Variants in SULF2 observed in about 807,000 individuals in gnomAD.
SULF2 encodes extracellular sulfatase Sulf-2.
In SULF2, 52 loss-of-function variants were observed where a neutral mutation model predicts 107.7. The ratio of observed to expected loss-of-function variants is 0.48; its 90% CI spans 0.39 to 0.61. The LOEUF is 0.61. SULF2 is among the 20% of genes least tolerant of loss of function. SULF2 has a pLI of 0.00. For synonymous variants in SULF2, 460 were observed against 464.3 expected, an observed-to-expected ratio of 0.99 and a Z score of 0.12; for missense variants, 993 against 1,177.3, an observed-to-expected ratio of 0.84 and a Z score of 2.29.
intron 2 of SULF2, among the ~76,000 whole-genome samples, chr20:47,737,554 CCA>C (rs945017941): frequency 2.6e-4 from 39 of 152,050 alleles, no homozygotes; most frequent in African/African-American, 8.9e-4. Context: ...GGCCTCTTGT[CCA>C]CACTTTTCTT....
chr20:47,662,679 T>C (rs1264598816), intron 17 of SULF2, among the ~76,000 whole-genome samples: 1 of 152,192 alleles, frequency 6.6e-6, no homozygotes, highest in Non-Finnish European at 1.5e-5. Flanking sequence ...AGCAGAGTGC[T>C]TGGTGCAGTG....
At chr20:47,733,959 G>A (rs1219224703) in intron 3 of SULF2, among the ~76,000 whole-genome samples, 1 of 152,176 alleles carries the variant, frequency 6.6e-6, no homozygotes, top group Non-Finnish European at 1.5e-5. Flanking sequence ...ATTCAAACGA[G>A]TATCACAAAC....
At chr20:47,696,577 G>C (rs2088386662) in intron 4 of SULF2, among the ~76,000 whole-genome samples, 1 of 152,134 alleles carries the variant, frequency 6.6e-6, no homozygotes, top group South Asian at 2.1e-4. Context: ...AAACAAATGA[G>C]CATTCCTGCC....
chr20:47,742,927 ATTTTTTTTTTT>A (rs397837137), intron 2 of SULF2, among the ~76,000 whole-genome samples: 55 of 99,454 alleles, frequency 5.5e-4, no homozygotes, highest in African/African-American at 1.3e-3. Context: ...TCAAAACATG[ATTTTTTTTTTT>A]TTTTTTTTTT....
At chr20:47,669,603 A>AG (rs112916029) in intron 11 of SULF2, among the ~76,000 whole-genome samples, 4,654 of 152,250 alleles carry the variant, frequency 0.031, 252 homozygotes, top group African/African-American at 0.11. Flanking sequence ...AGACTCTAGC[A>AG]GGGGGAAGAA....
chr20:47,785,008 G>A (rs1299055835), intron 1 of SULF2, among the ~76,000 whole-genome samples: 1 of 152,096 alleles, frequency 6.6e-6, no homozygotes, highest in Non-Finnish European at 1.5e-5. Flanking sequence ...GCGGATGGCC[G>A]GCCCAGGCGC....
chr20:47,677,400 C>CTGTGTG (rs58936261), intron 8 of SULF2, among the ~76,000 whole-genome samples: 4,349 of 143,966 alleles, frequency 0.03, 67 homozygotes, highest in South Asian at 0.047. Flanking sequence ...ACCCAAGTAA[C>CTGTGTG]TGTGTGTGTG....
rs1205288146 is a variant in SULF2, at chr20:47,785,359, G to T, written c.-117C>A. ...CCCACTCACCAGCGCGCACGGCCCC[G>T]GCAACCTCACCCGGAGCGGGGCGCC... is the stretch of plus-strand genomic sequence containing the variant. On this transcript the variant is annotated 5_prime_UTR_variant, in exon 1 of 21. Transcript: ENST00000688720. The T allele has an allele frequency of 1.8e-5, 2 of 108,276 alleles. No homozygotes were observed. Among genetic ancestry groups the T allele is most frequent in the African/African-American group, 6.9e-5 (2 of 28,992 alleles). The allele number at this position is 108,276 out of a possible 1,614,324, so 6.7% of individuals were successfully genotyped here. A position where few individuals can be genotyped will look rare whatever the true frequency, so the allele number is the denominator to read the frequency against.
chr20:47,768,882 G>GTTTTTT lies in SULF2; in HGVS notation c.-100-11425_-100-11420dup, dbSNP rs11473246. On this transcript the variant is annotated intron_variant, in intron 1 of 20. Transcript: ENST00000688720. ...GGCCTGAGTTTGTGTTTGTGTGCGTGTTTTTTTTTTTTTTTTTGAGATGGA... is the reference window on the plus strand; with the variant it reads ...GGCCTGAGTTTGTGTTTGTGTGCGTGTTTTTTTTTTTTTTTTTTTTTTTGAGATGGA... 2.6e-4 allele frequency among the ~76,000 whole-genome samples: 33 copies of GTTTTTT among 127,462 alleles called. 1 individual carries two copies. Among genetic ancestry groups the GTTTTTT allele is most frequent in the South Asian group, 1.1e-3 (4 of 3,796 alleles). 83.6% of individuals were successfully genotyped at this position (127,462 alleles called of 152,430 possible).
At chr20:47,743,064 G>A (rs2089927420) in intron 2 of SULF2, among the ~76,000 whole-genome samples, 1 of 150,916 alleles carries the variant, frequency 6.6e-6, no homozygotes, top group African/African-American at 2.4e-5. Flanking sequence ...CCTCAACTTG[G>A]GTGATTTTGA....
chr20:47,690,257 G>A lies in SULF2; in HGVS notation c.606C>T (p.Ser202=), dbSNP rs1405367675. ...LTDLITNDSV[S]FFRTSKKMYP... is the part of the protein sequence containing the mutation. ...ACATCTTCTTGGACGTGCGGAAGAA[G>A]CTCACGCTGTCATTGGTGATGAGGT... Residue 202 remains serine (S), a synonymous_variant, in exon 5 of 21, where the codon AGC becomes AGT. Coordinates refer to ENST00000688720, the MANE Select transcript of SULF2 (RefSeq NM_001387048.1). The A allele has an allele frequency of 6.4e-7, 1 of 1,561,788 alleles. No individual in the cohort carries two copies. The highest frequency in any genetic ancestry group is 1.2e-5 in the South Asian group (1 of 83,872).
At position 47,684,569 on chromosome 20, in the gene SULF2, G is replaced by A. The variant is rs757919701; in HGVS notation, c.750C>T (p.Tyr250=). Residue 250 remains tyrosine, a synonymous_variant, in exon 6 of 21, where the codon TAC becomes TAT. Transcript: ENST00000688720. ...PNASQHITPS[Y]NYAPNPDKHW... ...GTTTGTCCGGGTTGGGCGCGTAGTT[G>A]TAGCTCGGCGTGCTGGTGGGCAAGG... 2.4e-5 allele frequency: 39 copies of A among 1,613,736 alleles called. No homozygotes were observed. The highest frequency in any genetic ancestry group is 2.9e-5 in the Non-Finnish European group (34 of 1,179,890).
chr20:47,683,222 T>C, intron 6 of SULF2, 53 bp from the exon 7 acceptor site: 3 of 1,510,502 alleles, frequency 2.0e-6, no homozygotes, highest in Non-Finnish European at 2.7e-6. Context: ...GCCTGGCCCG[T>C]CTCCGACCCG....
intron 1 of SULF2, among the ~76,000 whole-genome samples, chr20:47,774,215 G>A (rs571491634): frequency 4.6e-5 from 7 of 152,330 alleles, no homozygotes; most frequent in East Asian, 1.9e-4. Flanking sequence ...ATTAGCAGCC[G>A]GAAATAGACC....
chr20:47,752,707 C>A (rs1462104156), intron 2 of SULF2, among the ~76,000 whole-genome samples: 1 of 152,062 alleles, frequency 6.6e-6, no homozygotes, highest in East Asian at 1.9e-4. Flanking sequence ...GTAGTGATCA[C>A]ACCACTGCAT....
chr20:47,756,897 C>T (rs970692508), intron 2 of SULF2, among the ~76,000 whole-genome samples: 1 of 152,166 alleles, frequency 6.6e-6, no homozygotes, highest in Non-Finnish European at 1.5e-5. Flanking sequence ...CCACCTGCCT[C>T]GGCCTCCCAA....
At chr20:47,688,481 G>A (rs944124430) in intron 5 of SULF2, among the ~76,000 whole-genome samples, 3 of 152,226 alleles carry the variant, frequency 2.0e-5, no homozygotes, top group Admixed American at 6.5e-5. Flanking sequence ...CTGCTGTTTG[G>A]GGTGAAGCCG....
At chr20:47,734,357 G>A (rs1312276235) in intron 3 of SULF2, among the ~76,000 whole-genome samples, 3 of 152,060 alleles carry the variant, frequency 2.0e-5, no homozygotes, top group Non-Finnish European at 4.4e-5. Context: ...TGGTCCTTGG[G>A]GGATTAAAAA....
At chr20:47,783,980 AATTT>A (rs760261202) in intron 1 of SULF2, among the ~76,000 whole-genome samples, 2 of 152,198 alleles carry the variant, frequency 1.3e-5, no homozygotes, top group African/African-American at 2.4e-5. Flanking sequence ...GATTGGCTCT[AATTT>A]AATTAGAACC....
Sources: gnomAD v4.1 joint callset for allele counts (sites outside exome capture counted in the v4.1 genomes callset) on GRCh38, gnomAD v4.1.1 for gene constraint, MANE v1.5 for transcripts, NCBI Gene and HGNC (gene_info 2026-07-23, HGNC 2026-07-21) for gene names.